OLFM3: variants seen among roughly 807,000 people sequenced by gnomAD.
OLFM3 encodes noelin-3.
OLFM3 carries 20 observed loss-of-function variants against 48.6 expected under a neutral mutation model. The observed-to-expected ratio is 0.41, with a 90% CI of 0.29 to 0.60. The LOEUF (loss-of-function observed/expected upper bound fraction) is 0.60, where lower values mean the gene tolerates loss of function less well. Among genes scored for constraint, OLFM3 ranks in the 20% least tolerant of loss-of-function variants. The probability of loss-of-function intolerance (pLI) is 0.28; values close to 1 mark genes in which losing one functional copy is unlikely to be tolerated. For missense variants in OLFM3, 437 were observed against 544.3 expected (o/e 0.80, Z 1.96); for synonymous variants, 222 against 198.1 (o/e 1.12, Z -1.01).
intron 1 of OLFM3, among the ~76,000 whole-genome samples, chr1:101,866,125 C>T (rs905937227): frequency 3.9e-5 from 6 of 152,140 alleles, no homozygotes; most frequent in Non-Finnish European, 7.4e-5. Context: ...TAAAATGTCT[C>T]GAATTTCCAG....
chr1:101,972,157 TCC>T (rs1660821836), intron 1 of OLFM3, among the ~76,000 whole-genome samples: 1 of 152,172 alleles, frequency 6.6e-6, no homozygotes, highest in Non-Finnish European at 1.5e-5. Flanking sequence ...GCTTTCATCT[TCC>T]TTTGTGAAAG....
At chr1:101,991,017 AT>A (rs1215929486) in intron 1 of OLFM3, among the ~76,000 whole-genome samples, 602 of 34,364 alleles carry the variant, frequency 0.018, 2 homozygotes, top group African/African-American at 0.032. Context: ...AAAAAAAAAA[AT>A]ATATATATAT....
chr1:101,951,892 T>C (rs921540288), intron 1 of OLFM3, among the ~76,000 whole-genome samples: 4 of 152,184 alleles, frequency 2.6e-5, no homozygotes, highest in Admixed American at 6.5e-5. Context: ...TCAATTTTTC[T>C]ATCTTTATAA....
At chr1:101,901,399 G>C (rs1259946792) in intron 1 of OLFM3, among the ~76,000 whole-genome samples, 1 of 152,044 alleles carries the variant, frequency 6.6e-6, no homozygotes, top group Admixed American at 6.6e-5. Flanking sequence ...GAGAAACAAT[G>C]AGTACTGTAC....
chr1:101,868,977 G>A (rs1238129022), intron 1 of OLFM3, among the ~76,000 whole-genome samples: 1 of 152,246 alleles, frequency 6.6e-6, no homozygotes, highest in Non-Finnish European at 1.5e-5. Context: ...GGATTTCAGA[G>A]GATGTATGGA....
intron 1 of OLFM3, among the ~76,000 whole-genome samples, chr1:101,968,123 C>A (rs1181589932): frequency 6.6e-6 from 1 of 152,166 alleles, no homozygotes; most frequent in African/African-American, 2.4e-5. Flanking sequence ...ACCATTCTGC[C>A]TAGTCACCCT....
intron 1 of OLFM3, chr1:101,838,033 C>A (rs1310628640): frequency 6.6e-6 from 1 of 151,880 alleles, no homozygotes; most frequent in African/African-American, 2.4e-5. Flanking sequence ...ATAGACAAAA[C>A]CTCACTCTGT....
chr1:101,813,295 C>T (rs960176914), intron 4 of OLFM3: 8 of 232,464 alleles, frequency 3.4e-5, no homozygotes, highest in East Asian at 1.3e-4. Context: ...AACAGCATTC[C>T]GTTAAGACAG....
intron 1 of OLFM3, among the ~76,000 whole-genome samples, chr1:101,943,255 G>T (rs1422197479): frequency 6.6e-6 from 1 of 152,086 alleles, no homozygotes; most frequent in Non-Finnish European, 1.5e-5. Flanking sequence ...TAGAGATGAG[G>T]GTTTCTTGAA....
chr1:101,816,374 T>C (rs1654338419), intron 4 of OLFM3, among the ~76,000 whole-genome samples: 1 of 152,168 alleles, frequency 6.6e-6, no homozygotes, highest in Non-Finnish European at 1.5e-5. Context: ...AATACGCTGA[T>C]GTTGTGAAAG....
chr1:101,830,712 A>G lies in OLFM3; in HGVS notation c.332T>C (p.Ile111Thr). 1.2e-6 allele frequency: 2 copies of G among 1,614,182 alleles called. No individual in the cohort carries two copies. The highest frequency in any genetic ancestry group is 2.7e-5 in the African/African-American group (2 of 75,058). ...MKGLKAKFRQ[I>T]EDDRKTLMTK... ...CATAAGTGTCTTTCGATCATCTTCA[A>G]TCTGCCGAAATTTTGCCTTCAGCCC... Residue 111 changes from isoleucine to threonine, a missense_variant, in exon 3 of 6, where the codon ATT becomes ACT. Ile to Thr is a moderately conservative substitution (Grantham distance 89, BLOSUM62 -1). This residue lies in a region of OLFM3 where 314 missense variants were observed against 365.5 expected (regional missense o/e 0.86). Transcript: ENST00000370103.
At chr1:101,986,424 G>A (rs1246930756) in intron 1 of OLFM3, among the ~76,000 whole-genome samples, 3 of 152,052 alleles carry the variant, frequency 2.0e-5, no homozygotes, top group Non-Finnish European at 2.9e-5. Context: ...TAATTACAGA[G>A]CAGTTGTAAG....
At chr1:101,969,721 T>C (rs182857023) in intron 1 of OLFM3, among the ~76,000 whole-genome samples, 2 of 152,268 alleles carry the variant, frequency 1.3e-5, no homozygotes, top group Admixed American at 6.5e-5. Context: ...TGATTTTTTT[T>C]CCCTCTTTGG....
chr1:101,920,753 T>C (rs991817278), intron 1 of OLFM3, among the ~76,000 whole-genome samples: 1 of 152,204 alleles, frequency 6.6e-6, no homozygotes, highest in African/African-American at 2.4e-5. Flanking sequence ...CAGAGTTGTC[T>C]CTGGTGCTTT....
chr1:101,958,302 T>C (rs1438117280), intron 1 of OLFM3, among the ~76,000 whole-genome samples: 1 of 152,118 alleles, frequency 6.6e-6, no homozygotes, highest in Non-Finnish European at 1.5e-5. Context: ...GATTCTTCAT[T>C]ATTTAGCCCA....
intron 1 of OLFM3, among the ~76,000 whole-genome samples, chr1:101,911,473 G>C (rs902377877): frequency 2.0e-5 from 3 of 152,092 alleles, no homozygotes; most frequent in African/African-American, 7.2e-5. Context: ...TTACTTTAAA[G>C]ATTGTGATGA....
intron 4 of OLFM3, among the ~76,000 whole-genome samples, chr1:101,821,605 G>C (rs1654610434): frequency 6.6e-6 from 1 of 151,826 alleles, no homozygotes; most frequent in Non-Finnish European, 1.5e-5. Flanking sequence ...AAACATGTTG[G>C]GATAGTAAAA....
At chr1:101,974,150 G>A (rs1252407766) in intron 1 of OLFM3, among the ~76,000 whole-genome samples, 3 of 145,382 alleles carry the variant, frequency 2.1e-5, no homozygotes, top group Non-Finnish European at 4.6e-5. Context: ...GCTGGATCAC[G>A]GTGGATGCTA....
intron 2 of OLFM3, among the ~76,000 whole-genome samples, chr1:101,836,213 T>A (rs1655393114): frequency 6.6e-6 from 1 of 152,182 alleles, no homozygotes; most frequent in Non-Finnish European, 1.5e-5. Flanking sequence ...ACAGTGAAAG[T>A]CTGAGTGAGA....
Sources: allele counts gnomAD v4.1 joint callset (sites outside exome capture counted in the v4.1 genomes callset), GRCh38; gene constraint gnomAD v4.1.1; regional missense constraint gnomAD v4.1.1; transcripts MANE v1.5; gene names NCBI Gene and HGNC (gene_info 2026-07-23, HGNC 2026-07-21).